Variants in DENND4C observed in about 807,000 individuals in gnomAD.
DENND4C encodes DENN domain containing 4C.
Under a neutral mutation model 203.0 loss-of-function variants are expected in DENND4C, and 108 were observed. The ratio of observed to expected loss-of-function variants is 0.53; its 90% CI spans 0.46 to 0.62. The LOEUF (loss-of-function observed/expected upper bound fraction) is 0.62, where lower values mean the gene tolerates loss of function less well. Among genes scored for constraint, DENND4C ranks in the 20% least tolerant of loss-of-function variants. The pLI is 0.00. For missense variants in DENND4C, 2,481 were observed against 2,301.2 expected, an observed-to-expected ratio of 1.08 and a Z score of -1.60; for synonymous variants, 871 against 792.4, an observed-to-expected ratio of 1.10 and a Z score of -1.67.
chr9:19,319,259 A>C (rs1289179945), intron 12 of DENND4C, among the ~76,000 whole-genome samples: 1 of 146,996 alleles, frequency 6.8e-6, no homozygotes, highest in Non-Finnish European at 1.5e-5. Flanking sequence ...AAACATATGT[A>C]TAAACATATA....
intron 1 of DENND4C, among the ~76,000 whole-genome samples, chr9:19,251,451 G>A (rs994192482): frequency 6.6e-6 from 1 of 152,226 alleles, no homozygotes. Flanking sequence ...ATACCTTGGA[G>A]ACATTTTCCC....
At chr9:19,371,615 G>T in intron 31 of DENND4C, 141 bp from the exon 32 acceptor site, 1 of 510,412 alleles carries the variant, frequency 2.0e-6, no homozygotes, top group Non-Finnish European at 3.5e-6. Flanking sequence ...TAACTGTAAT[G>T]TAATATTAAA....
chr9:19,340,474 T>TA (rs1001613504), intron 20 of DENND4C, among the ~76,000 whole-genome samples: 2 of 152,126 alleles, frequency 1.3e-5, no homozygotes, highest in Non-Finnish European at 2.9e-5. Context: ...TGATTTTATT[T>TA]TTTTTTTAAC....
chr9:19,308,652 G>A (rs116357956), intron 10 of DENND4C, among the ~76,000 whole-genome samples: 3,236 of 152,108 alleles, frequency 0.021, 123 homozygotes, highest in African/African-American at 0.073. Flanking sequence ...TGATAAACAG[G>A]GGCTCATCTT....
At chr9:19,335,317 G>A (rs73645601) in intron 18 of DENND4C, among the ~76,000 whole-genome samples, 2,755 of 152,020 alleles carry the variant, frequency 0.018, 74 homozygotes, top group African/African-American at 0.06. Flanking sequence ...TGGCTCAATC[G>A]AGCTATTAAA....
intron 1 of DENND4C, among the ~76,000 whole-genome samples, chr9:19,252,850 C>T (rs1826989204): frequency 6.6e-6 from 1 of 152,082 alleles, no homozygotes; most frequent in African/African-American, 2.4e-5. Flanking sequence ...ATTCTCATGC[C>T]TCAGCCTTCC....
chr9:19,352,317 G>T, intron 25 of DENND4C, 135 bp downstream of exon 25: 1 of 1,036,880 alleles, frequency 9.6e-7, no homozygotes, highest in South Asian at 1.7e-5. Context: ...TTTGCTTGAT[G>T]TCTTATGTAA....
chr9:19,288,557 T>G, intron 3 of DENND4C, 39 bp from the exon 4 acceptor site: 1 of 1,178,910 alleles, frequency 8.5e-7, no homozygotes, highest in Non-Finnish European at 1.1e-6. Flanking sequence ...TTCTTTTCAC[T>G]CTTTTGTCTT....
chr9:19,272,392 C>T (rs1178016353), intron 1 of DENND4C, among the ~76,000 whole-genome samples: 4 of 151,854 alleles, frequency 2.6e-5, no homozygotes, highest in African/African-American at 9.7e-5. Flanking sequence ...TGCACTCCCG[C>T]CTGGGCAACA....
chr9:19,238,873 G>A (rs1419352861), intron 1 of DENND4C, among the ~76,000 whole-genome samples: 1 of 150,438 alleles, frequency 6.6e-6, no homozygotes, highest in Non-Finnish European at 1.5e-5. Flanking sequence ...GGCTGGTCTC[G>A]AACTCTTGAC....
intron 2 of DENND4C, among the ~76,000 whole-genome samples, chr9:19,283,163 AT>A (rs34362623): frequency 0.5 from 74,732 of 150,402 alleles, 19,384 homozygotes; most frequent in South Asian, 0.66. Flanking sequence ...CTGTGCCTGG[AT>A]TTTTTTTTTT....
intron 9 of DENND4C, among the ~76,000 whole-genome samples, chr9:19,305,136 G>GC (rs1042726226): frequency 3.3e-5 from 5 of 151,972 alleles, no homozygotes; most frequent in African/African-American, 4.8e-5. Context: ...TTTTTATTGT[G>GC]CTTATGATCA....
intron 20 of DENND4C, among the ~76,000 whole-genome samples, chr9:19,339,382 TCTTTTATG>T (rs1433016526): frequency 1.3e-5 from 2 of 152,210 alleles, no homozygotes; most frequent in Admixed American, 1.3e-4. Flanking sequence ...CTTTAAAAAA[TCTTTTATG>T]ACCTTGGCCT....
intron 2 of DENND4C, among the ~76,000 whole-genome samples, chr9:19,285,371 TAC>T (rs1834983294): frequency 6.6e-6 from 1 of 152,162 alleles, no homozygotes; most frequent in Non-Finnish European, 1.5e-5. Context: ...TAGTATTGTT[TAC>T]AGTGTTGTGC....
Position 19,372,194 on chromosome 9 carries a change from T to C in DENND4C, c.*21T>C, listed in dbSNP as rs375313331. ...TTTAAATAGAGATTCACTAGAATGTTGACACACAAGGCTTGGGGATTAGAT... is the reference window on the plus strand; with the variant it reads ...TTTAAATAGAGATTCACTAGAATGTCGACACACAAGGCTTGGGGATTAGAT... On this transcript the variant is annotated 3_prime_UTR_variant, in exon 33 of 33. Coordinates refer to ENST00000434457, the MANE Select transcript of DENND4C (RefSeq NM_001330640.2). 15 of 1,598,324 alleles carry C rather than the reference T, an allele frequency of 9.4e-6. No individual in the cohort carries two copies. In the African/African-American group the frequency reaches 1.5e-4, roughly 16 times the overall value.
At chr9:19,255,258 A>T (rs1827656995) in intron 1 of DENND4C, among the ~76,000 whole-genome samples, 1 of 152,096 alleles carries the variant, frequency 6.6e-6, no homozygotes, top group Non-Finnish European at 1.5e-5. Context: ...AGAAAAAATT[A>T]GCTGGATATG....
In DENND4C at chr9:19,341,122, A is replaced by G. The variant is rs748198453; in HGVS notation, c.3004+8A>G. 2.5e-6 allele frequency: 4 copies of G among 1,595,810 alleles called. No homozygotes were observed. In the Admixed American group the frequency reaches 5.4e-5, roughly 21 times the overall value. On this transcript the variant is annotated splice_region_variant and intron_variant, in intron 21 of 32. Transcript: ENST00000434457. The stretch of plus-strand genomic sequence containing the variant: ...CAAAAATGCAAACAGAAGGTTAAGT[A>G]CTGATATTTACGAACTTTACTTAGA...
In DENND4C at chr9:19,285,647, C is replaced by G. The variant is rs544827990; in HGVS notation, c.306-1122C>G. ...GGTGTCATATCTAAGAAGGCTTTGTCTAACCTAAGGTCACAAAGATTTATT... is the reference window on the plus strand; with the variant it reads ...GGTGTCATATCTAAGAAGGCTTTGTGTAACCTAAGGTCACAAAGATTTATT... On this transcript the variant is annotated intron_variant, in intron 2 of 32. Coordinates refer to ENST00000434457, the MANE Select transcript of DENND4C (RefSeq NM_001330640.2). Among the ~76,000 whole-genome samples the G allele has an allele frequency of 2.1e-5, 3 of 145,792 alleles. No individual in the cohort carries two copies. In the East Asian group the frequency reaches 6.1e-4, roughly 29 times the overall value.
rs921924408 is a variant in DENND4C, at chr9:19,346,136, G to C, written c.3367G>C (p.Gly1123Arg). 1 of 1,614,164 alleles carries C rather than the reference G, an allele frequency of 6.2e-7. No individual in the cohort carries two copies. The highest frequency in any genetic ancestry group is 8.5e-7 in the Non-Finnish European group (1 of 1,180,012). The change falls in exon 23 of 33, where the codon GGA becomes CGA. Residue 1123 changes from glycine to arginine, a missense_variant. Gly to Arg is a moderately radical substitution (Grantham distance 125). Coordinates refer to ENST00000434457, the MANE Select transcript of DENND4C (RefSeq NM_001330640.2). The part of the protein sequence containing the change: ...SNSSEMAIMM[G>R]ADAKILTAAL... Reference sequence around the variant, plus strand: ...TTCAAGTGAAATGGCTATCATGATGGGAGCAGATGCCAAGATTCTCACAGC... The same window carrying C: ...TTCAAGTGAAATGGCTATCATGATGCGAGCAGATGCCAAGATTCTCACAGC...
Sources: allele counts gnomAD v4.1 joint callset (sites outside exome capture counted in the v4.1 genomes callset), GRCh38; gene constraint gnomAD v4.1.1; transcripts MANE v1.5; gene names NCBI Gene and HGNC (gene_info 2026-07-23, HGNC 2026-07-21).